The following PCDH15 variants were observed in gnomAD, a reference collection of about 807,000 sequenced individuals.
PCDH15 encodes the protein protocadherin-15.
A neutral mutation model predicts 178.5 loss-of-function variants in PCDH15; 129 were observed. The ratio of observed to expected loss-of-function variants is 0.72; its 90% CI spans 0.63 to 0.84. The LOEUF (loss-of-function observed/expected upper bound fraction) is 0.84, where lower values mean the gene tolerates loss of function less well. PCDH15 is among the 40% of genes least tolerant of loss of function. The pLI, the probability that PCDH15 is intolerant of heterozygous loss-of-function variation, is 0.00. For synonymous variants in PCDH15, 800 were observed against 732.0 expected, an observed-to-expected ratio of 1.09 and a Z score of -1.50; for missense variants, 2,230 against 2,099.9, an observed-to-expected ratio of 1.06 and a Z score of -1.21.
intron 6 of PCDH15, among the ~76,000 whole-genome samples, chr10:54,334,228 A>T (rs890941944): frequency 6.6e-6 from 1 of 152,186 alleles, no homozygotes; most frequent in African/African-American, 2.4e-5. Flanking sequence ...ACAATTCTCC[A>T]TTTAGTAAAA....
At chr10:54,753,793 G>A (rs1946654791) in intron 1 of PCDH15, among the ~76,000 whole-genome samples, 1 of 151,566 alleles carries the variant, frequency 6.6e-6, no homozygotes, top group Non-Finnish European at 1.5e-5. Context: ...GCACCAGGGT[G>A]TACTGGCTCA....
intron 3 of PCDH15, among the ~76,000 whole-genome samples, chr10:54,426,799 C>T (rs1956318501): frequency 6.6e-6 from 1 of 151,864 alleles, no homozygotes; most frequent in Non-Finnish European, 1.5e-5. Flanking sequence ...TGTTTTAGGG[C>T]TATTATTTTA....
In PCDH15 at chr10:54,640,726, G is replaced by T. The variant is rs530565061; in HGVS notation, c.91+23446C>A. On this transcript the variant is annotated intron_variant, in intron 2 of 37. Coordinates refer to ENST00000644397, the MANE Select transcript of PCDH15 (RefSeq NM_001384140.1). ...TTCTAAAATCAGAATAAGAGGAAGA[G>T]TGGAAGAATTAGAAAAAGAAAAAAA... 5.3e-5 allele frequency among the ~76,000 whole-genome samples: 8 copies of T among 152,002 alleles called. No individual in the cohort carries two copies. In the South Asian group the frequency reaches 1.7e-3, roughly 32 times the overall value.
intron 14 of PCDH15, among the ~76,000 whole-genome samples, chr10:54,147,045 T>A (rs2044051258): frequency 6.8e-6 from 1 of 146,758 alleles, no homozygotes; most frequent in Non-Finnish European, 1.5e-5. Context: ...ATAATATATA[T>A]ATTTGTTCAT....
chr10:54,152,196 A>G (rs574541871), intron 14 of PCDH15, among the ~76,000 whole-genome samples: 1 of 152,306 alleles, frequency 6.6e-6, no homozygotes, highest in African/African-American at 2.4e-5. Context: ...ATGAATCCAC[A>G]TAAACACTAG....
At chr10:54,910,115 G>A (rs1291237649) in intron 2 of PCDH15, among the ~76,000 whole-genome samples, 1 of 152,092 alleles carries the variant, frequency 6.6e-6, no homozygotes, top group Non-Finnish European at 1.5e-5. Flanking sequence ...CAGGGATGTG[G>A]GACACAGGGG....
intron 27 of PCDH15, among the ~76,000 whole-genome samples, chr10:53,860,336 G>T (rs2079021457): frequency 6.6e-6 from 1 of 152,128 alleles, no homozygotes; most frequent in African/African-American, 2.4e-5. Context: ...ATATGATGGA[G>T]TTCTGACCAA....
chr10:55,498,025 A>C (rs984075830), intron 2 of PCDH15, among the ~76,000 whole-genome samples: 4 of 151,876 alleles, frequency 2.6e-5, no homozygotes, highest in Non-Finnish European at 5.9e-5. Flanking sequence ...GTGCAGCTTC[A>C]TTAATGTTTA....
At chr10:55,285,583 T>A (rs897476468) in intron 1 of PCDH15, among the ~76,000 whole-genome samples, 1 of 151,996 alleles carries the variant, frequency 6.6e-6, no homozygotes, top group Admixed American at 6.6e-5. Flanking sequence ...TATAGACTTC[T>A]TTTATGAAAT....
intron 1 of PCDH15, among the ~76,000 whole-genome samples, chr10:54,737,459 C>A (rs1271448684): frequency 6.6e-6 from 1 of 152,046 alleles, no homozygotes; most frequent in Non-Finnish European, 1.5e-5. Flanking sequence ...TATAGGTGAG[C>A]AATCCTGCTT....
At chr10:55,590,602 G>T (rs1416812885) in intron 2 of PCDH15, among the ~76,000 whole-genome samples, 7 of 152,102 alleles carry the variant, frequency 4.6e-5, no homozygotes, top group East Asian at 1.9e-4. Flanking sequence ...ACAGATGGAT[G>T]CTGATTGCTT....
intron 8 of PCDH15, among the ~76,000 whole-genome samples, chr10:54,254,806 T>A (rs948094533): frequency 3.9e-5 from 6 of 152,222 alleles, no homozygotes; most frequent in Non-Finnish European, 7.3e-5. Flanking sequence ...TGTAAGGCAC[T>A]GATAGATGCT....
intron 2 of PCDH15, among the ~76,000 whole-genome samples, chr10:55,324,635 C>A (rs772608219): frequency 6.6e-6 from 1 of 152,062 alleles, no homozygotes; most frequent in Non-Finnish European, 1.5e-5. Context: ...TAGTGGGAGA[C>A]TTCAACACAC....
chr10:53,811,664 C>T lies in PCDH15; in HGVS notation c.4492-45G>A, dbSNP rs542187284. ...ATTGCATTTGAAAACGAATTCTTATCACGTTTCAGGTCAAAGTCAGATTTC... is the reference window on the plus strand; with the variant it reads ...ATTGCATTTGAAAACGAATTCTTATTACGTTTCAGGTCAAAGTCAGATTTC... On this transcript the variant is annotated intron_variant, in intron 35 of 37. Coordinates refer to ENST00000644397, the MANE Select transcript of PCDH15 (RefSeq NM_001384140.1). 5 of 1,283,254 alleles carry T rather than the reference C, an allele frequency of 3.9e-6. No individual in the cohort carries two copies. The South Asian group carries it at 7.9e-5, about 20-fold the overall frequency. The allele number at this position is 1,283,254 out of a possible 1,614,324, so 79.5% of individuals were successfully genotyped here. A position where few individuals can be genotyped will look rare whatever the true frequency, so the allele number is the denominator to read the frequency against.
At chr10:55,127,099 C>T (rs1258550863) in intron 2 of PCDH15, among the ~76,000 whole-genome samples, 2 of 152,014 alleles carry the variant, frequency 1.3e-5, no homozygotes, top group African/African-American at 4.8e-5. Flanking sequence ...AACTAACTGA[C>T]AATCTCACTA....
intron 13 of PCDH15, among the ~76,000 whole-genome samples, chr10:54,165,471 CCTGA>C (rs749599200): frequency 3.9e-5 from 6 of 152,198 alleles, no homozygotes; most frequent in African/African-American, 1.2e-4. Context: ...CTTTTCACAG[CCTGA>C]CTATTTAAAG....
intron 2 of PCDH15, among the ~76,000 whole-genome samples, chr10:55,620,638 A>C (rs749505614): frequency 6.6e-6 from 1 of 151,950 alleles, no homozygotes; most frequent in Non-Finnish European, 1.5e-5. Context: ...AAAAATTTTC[A>C]ATTCCATTTT....
chr10:55,382,851 G>A (rs1298685740), intron 2 of PCDH15, among the ~76,000 whole-genome samples: 2 of 152,136 alleles, frequency 1.3e-5, no homozygotes, highest in Non-Finnish European at 2.9e-5. Flanking sequence ...GTGGGAGGAG[G>A]AGCACTCAGG....
chr10:53,883,180 T>C (rs199650464), intron 26 of PCDH15, among the ~76,000 whole-genome samples: 1 of 144,452 alleles, frequency 6.9e-6, no homozygotes, highest in East Asian at 2.1e-4. Context: ...TACACATACA[T>C]ATGTGTGTGT....
Sources: gnomAD v4.1 joint callset for allele counts (sites outside exome capture counted in the v4.1 genomes callset) on GRCh38, gnomAD v4.1.1 for gene constraint, MANE v1.5 for transcripts, NCBI Gene and HGNC (gene_info 2026-07-23, HGNC 2026-07-21) for gene names.